The following NXPH1 variants were observed in gnomAD, a reference collection of about 807,000 sequenced individuals.
NXPH1 encodes neurexophilin 1.
A neutral mutation model predicts 23.7 loss-of-function variants in NXPH1; 5 were observed. The ratio of observed to expected loss-of-function variants is 0.21; its 90% CI spans 0.11 to 0.44. NXPH1 has a LOEUF of 0.44. Among genes scored for constraint, NXPH1 ranks in the 20% least tolerant of loss-of-function variants. NXPH1 has a pLI of 0.99. For synonymous variants in NXPH1, 144 were observed against 122.2 expected (o/e 1.18, Z -1.18); for missense variants, 324 against 321.6 (o/e 1.01, Z -0.06).
Position 8,536,617 on chromosome 7 carries a change from G to A in NXPH1, c.54+100850G>A, listed in dbSNP as rs371497129. On this transcript the variant is annotated intron_variant, in intron 2 of 2. Transcript: ENST00000405863. ...GTGACCATTGGTAGACTTAAAAAAA[G>A]GAAGTGACGTCATTGGTTCACTTGC... 6.1e-3 allele frequency among the ~76,000 whole-genome samples: 895 copies of A among 146,464 alleles called. 6 individuals carry two copies. Among genetic ancestry groups the A allele is most frequent in the African/African-American group, 0.022 (862 of 39,518 alleles).
chr7:8,471,178 T>G (rs1394108862), intron 2 of NXPH1, among the ~76,000 whole-genome samples: 1 of 152,080 alleles, frequency 6.6e-6, no homozygotes, highest in African/African-American at 2.4e-5. Context: ...GAGTTTAGCG[T>G]CTCAAAATTA....
At chr7:8,728,245 C>A (rs1350312694) in intron 2 of NXPH1, among the ~76,000 whole-genome samples, 1 of 152,172 alleles carries the variant, frequency 6.6e-6, no homozygotes, top group Non-Finnish European at 1.5e-5. Flanking sequence ...TGGGCTGAGA[C>A]AATGGGGTTT....
chr7:8,617,357 A>T (rs1446963763), intron 2 of NXPH1, among the ~76,000 whole-genome samples: 5 of 152,112 alleles, frequency 3.3e-5, no homozygotes, highest in Admixed American at 1.3e-4. Context: ...TTGCACTCCT[A>T]TGTTTGTTGC....
intron 2 of NXPH1, among the ~76,000 whole-genome samples, chr7:8,616,662 A>AG (rs901409110): frequency 2.0e-5 from 3 of 151,944 alleles, no homozygotes; most frequent in Non-Finnish European, 4.4e-5. Flanking sequence ...CATGGCAGCC[A>AG]GGGGGGACTG....
intron 2 of NXPH1, among the ~76,000 whole-genome samples, chr7:8,536,687 G>C (rs1818032467): frequency 6.7e-6 from 1 of 150,338 alleles, no homozygotes; most frequent in Non-Finnish European, 1.5e-5. Flanking sequence ...TATTGTAAGG[G>C]GCCCAGAGAA....
rs1335626035 is a variant in NXPH1, at chr7:8,497,224, G to C, written c.54+61457G>C. 3.3e-5 allele frequency among the ~76,000 whole-genome samples: 5 copies of C among 152,272 alleles called. No individual in the cohort carries two copies. In the East Asian group the frequency reaches 9.7e-4, roughly 30 times the overall value. On this transcript the variant is annotated intron_variant, in intron 2 of 2. Transcript: ENST00000405863. ...TATTACGGCTGCATAGTATTCCATG[G>C]TGTATATGTGCCACATTTTCTTAAT...
rs116792808 is a variant in NXPH1, at chr7:8,498,675, A to G, written c.54+62908A>G. On this transcript the variant is annotated intron_variant, in intron 2 of 2. Transcript: ENST00000405863. ...TAGCATGATGGGTTTATAGATACTG[A>G]TAATTGTGTGTTACAAACTTCAGCA... is the stretch of plus-strand genomic sequence containing the variant. 8.8e-3 allele frequency among the ~76,000 whole-genome samples: 1,338 copies of G among 152,190 alleles called. 21 individuals carry two copies. The highest frequency in any genetic ancestry group is 0.03 in the African/African-American group (1,264 of 41,542).
At chr7:8,587,553 G>C (rs1819003609) in intron 2 of NXPH1, among the ~76,000 whole-genome samples, 1 of 152,002 alleles carries the variant, frequency 6.6e-6, no homozygotes, top group Admixed American at 6.6e-5. Flanking sequence ...TGTTACATAG[G>C]CATACACGTG....
At chr7:8,585,581 C>G (rs139214800) in intron 2 of NXPH1, among the ~76,000 whole-genome samples, 7 of 152,300 alleles carry the variant, frequency 4.6e-5, no homozygotes, top group Admixed American at 1.3e-4. Context: ...TGTCTCGTAT[C>G]TAAGAGTCTT....
intron 2 of NXPH1, among the ~76,000 whole-genome samples, chr7:8,650,098 A>G (rs2115151190): frequency 6.6e-6 from 1 of 152,308 alleles, no homozygotes; most frequent in South Asian, 2.1e-4. Flanking sequence ...TGCAATGAAC[A>G]ATTTTTATCT....
Position 8,682,047 on chromosome 7 carries a change from C to A in NXPH1, c.55-68961C>A, listed in dbSNP as rs146642604. 4.1e-4 allele frequency among the ~76,000 whole-genome samples: 62 copies of A among 152,180 alleles called. 1 individual carries two copies. Among genetic ancestry groups the A allele is most frequent in the South Asian group, 1.7e-3 (8 of 4,810 alleles). On this transcript the variant is annotated intron_variant, in intron 2 of 2. Transcript: ENST00000405863. ...GGAAGAGAAGTGAAGGGTGAGCATGCCAGTGGAAGGGTCTGAATGGGTGCT... is the reference window on the plus strand; with the variant it reads ...GGAAGAGAAGTGAAGGGTGAGCATGACAGTGGAAGGGTCTGAATGGGTGCT...
At chr7:8,707,106 C>G (rs1163877045) in intron 2 of NXPH1, among the ~76,000 whole-genome samples, 1 of 152,134 alleles carries the variant, frequency 6.6e-6, no homozygotes, top group African/African-American at 2.4e-5. Flanking sequence ...ATTAGTTTGA[C>G]TTTTACTATT....
At chr7:8,582,131 G>A (rs1182788584) in intron 2 of NXPH1, among the ~76,000 whole-genome samples, 1 of 152,198 alleles carries the variant, frequency 6.6e-6, no homozygotes, top group Non-Finnish European at 1.5e-5. Flanking sequence ...TGTACTGCAC[G>A]CAGCTTCCAC....
rs532849771 is a variant in NXPH1, at chr7:8,563,551, G to A, written c.54+127784G>A. On this transcript the variant is annotated intron_variant, in intron 2 of 2. Transcript: ENST00000405863. ...TGCAGAAGGGATTGAAACAAGACTC[G>A]GAAGCACTTTCTGACTATGAGCAAT... Among the ~76,000 whole-genome samples, 7 of 151,818 alleles carry A rather than the reference G, an allele frequency of 4.6e-5. No homozygotes were observed. The South Asian group carries it at 6.2e-4, about 14-fold the overall frequency.
intron 2 of NXPH1, among the ~76,000 whole-genome samples, chr7:8,454,726 T>A (rs1242292310): frequency 1.3e-5 from 2 of 152,092 alleles, no homozygotes; most frequent in Non-Finnish European, 2.9e-5. Flanking sequence ...AGAGTTAGAA[T>A]AAGTCAACTT....
At chr7:8,738,784 G>T (rs1204100616) in intron 2 of NXPH1, among the ~76,000 whole-genome samples, 1 of 152,130 alleles carries the variant, frequency 6.6e-6, no homozygotes, top group African/African-American at 2.4e-5. Flanking sequence ...ATAAGCCCCT[G>T]ACTGGGGCTG....
chr7:8,685,128 G>A (rs1280401717), intron 2 of NXPH1, among the ~76,000 whole-genome samples: 2 of 151,874 alleles, frequency 1.3e-5, no homozygotes, highest in African/African-American at 2.4e-5. Context: ...TTCAAAACCT[G>A]CCCTTATATG....
Position 8,442,943 on chromosome 7 carries a change from G to T in NXPH1, c.54+7176G>T, listed in dbSNP as rs1472108168. ...AAGATTTGATCGCGGGCAGGCGGGC[G>T]TGGGGCACGCCAGGGCCGGGAGAGC... On this transcript the variant is annotated intron_variant, in intron 2 of 2. Coordinates refer to ENST00000405863, the MANE Select transcript of NXPH1 (RefSeq NM_152745.3). The surrounding 1 kb of genome is among the most constrained non-coding windows in gnomAD (Gnocchi z 4.6). Among the ~76,000 whole-genome samples, 5 of 152,254 alleles carry T rather than the reference G, an allele frequency of 3.3e-5. No homozygotes were observed. The highest frequency in any genetic ancestry group is 1.2e-4 in the African/African-American group (5 of 41,468).
At chr7:8,697,752 A>G (rs1779557581) in intron 2 of NXPH1, among the ~76,000 whole-genome samples, 1 of 152,218 alleles carries the variant, frequency 6.6e-6, no homozygotes, top group South Asian at 2.1e-4. Context: ...CAGAAGCCAG[A>G]GAAAGTCTCA....
Sources: gnomAD v4.1 joint callset for allele counts (sites outside exome capture counted in the v4.1 genomes callset) on GRCh38, gnomAD v4.1.1 for gene constraint, Gnocchi (gnomAD v3.1) non-coding constraint, MANE v1.5 for transcripts, NCBI Gene and HGNC (gene_info 2026-07-23, HGNC 2026-07-21) for gene names.